The following ADIPOR2 variants were observed in gnomAD, a reference collection of about 807,000 sequenced individuals.
The protein encoded by ADIPOR2 is adiponectin receptor 2.
A neutral mutation model predicts 40.9 loss-of-function variants in ADIPOR2; 18 were observed. The observed-to-expected ratio is 0.44, with a 90% CI of 0.30 to 0.65. The LOEUF is 0.65. Among genes scored for constraint, ADIPOR2 ranks in the 30% least tolerant of loss-of-function variants. The probability of loss-of-function intolerance (pLI) is 0.09; values close to 1 mark genes in which losing one functional copy is unlikely to be tolerated. For missense variants in ADIPOR2, 283 were observed against 479.2 expected, an observed-to-expected ratio of 0.59 and a Z score of 3.82; for synonymous variants, 165 against 166.4, an observed-to-expected ratio of 0.99 and a Z score of 0.06.
intron 1 of ADIPOR2, among the ~76,000 whole-genome samples, chr12:1,706,549 T>C (rs963507506): frequency 2.9e-4 from 44 of 152,198 alleles, no homozygotes; most frequent in African/African-American, 1.0e-3. Context: ...TTTTGTGTAA[T>C]CTAGGCTTAT....
chr12:1,766,881 TATATA>T (rs1251910225), intron 2 of ADIPOR2, among the ~76,000 whole-genome samples: 2 of 152,238 alleles, frequency 1.3e-5, no homozygotes, highest in Non-Finnish European at 2.9e-5. Flanking sequence ...AGAATGCCAC[TATATA>T]ATAGTTTATT....
chr12:1,769,387 A>C (rs1862450385), intron 2 of ADIPOR2, among the ~76,000 whole-genome samples: 1 of 152,228 alleles, frequency 6.6e-6, no homozygotes. Flanking sequence ...CCGCATTAGC[A>C]ACTCCGTTAA....
chr12:1,778,620 T>C (rs1049048664), intron 4 of ADIPOR2: 3 of 152,136 alleles, frequency 2.0e-5, no homozygotes, highest in African/African-American at 4.8e-5. Context: ...AGAAAACATA[T>C]ATAAATCCTT....
At chr12:1,746,187 A>G (rs1197501660) in intron 1 of ADIPOR2, among the ~76,000 whole-genome samples, 1 of 152,248 alleles carries the variant, frequency 6.6e-6, no homozygotes, top group Admixed American at 6.5e-5. Context: ...ACAGTTTGCT[A>G]ATATCAGACA....
At chr12:1,771,092 G>C (rs899105363) in intron 2 of ADIPOR2, among the ~76,000 whole-genome samples, 2 of 152,188 alleles carry the variant, frequency 1.3e-5, no homozygotes, top group African/African-American at 4.8e-5. Flanking sequence ...GGAAGCTGAG[G>C]CAGGAGGATT....
chr12:1,711,555 A>G (rs1948708376), intron 1 of ADIPOR2, among the ~76,000 whole-genome samples: 2 of 151,900 alleles, frequency 1.3e-5, no homozygotes, highest in Non-Finnish European at 1.5e-5. Flanking sequence ...CTTTTAAAGG[A>G]ATAGGGTACA....
intron 1 of ADIPOR2, among the ~76,000 whole-genome samples, chr12:1,735,339 TTTA>T (rs1396444946): frequency 5.9e-5 from 9 of 152,196 alleles, no homozygotes; most frequent in African/African-American, 2.2e-4. Flanking sequence ...TCCTAGGTAT[TTTA>T]TTCTCTTTGA....
At chr12:1,692,085 A>AGTT (rs2094628281) in intron 1 of ADIPOR2, among the ~76,000 whole-genome samples, 1 of 26,090 alleles carries the variant, frequency 3.8e-5, no homozygotes, top group Non-Finnish European at 9.1e-5. Flanking sequence ...CCAAAAGCAG[A>AGTT]CTTTTTTTTT....
chr12:1,757,717 C>T (rs1185902814), intron 2 of ADIPOR2: 20 of 1,310,242 alleles, frequency 1.5e-5, no homozygotes, highest in South Asian at 3.5e-5. Flanking sequence ...ATAGATGAGA[C>T]GGAAATTCTC....
At chr12:1,716,951 C>G (rs1161717841) in intron 1 of ADIPOR2, among the ~76,000 whole-genome samples, 1 of 152,016 alleles carries the variant, frequency 6.6e-6, no homozygotes, top group African/African-American at 2.4e-5. Flanking sequence ...TTAATTGATC[C>G]CTGACCAAAT....
At chr12:1,781,464 GT>G (rs1862718873) in intron 6 of ADIPOR2, among the ~76,000 whole-genome samples, 2 of 152,002 alleles carry the variant, frequency 1.3e-5, no homozygotes, top group African/African-American at 4.8e-5. Flanking sequence ...GTCATTTTCT[GT>G]TTTGTTTTAT....
rs1862832337 is a variant in ADIPOR2 at position 1,786,223 on chromosome 12, A to G, written c.*151A>G. 1 of 967,998 alleles carries G rather than the reference A, an allele frequency of 1.0e-6. No individual in the cohort carries two copies. The highest frequency in any genetic ancestry group is 1.5e-6 in the Non-Finnish European group (1 of 672,336). The allele number at this position is 967,998 out of a possible 1,614,324, so 60.0% of individuals were successfully genotyped here. A position where few individuals can be genotyped will look rare whatever the true frequency, so the allele number is the denominator to read the frequency against. On this transcript the variant is annotated 3_prime_UTR_variant, in exon 8 of 8. Coordinates refer to ENST00000357103, the MANE Select transcript of ADIPOR2 (RefSeq NM_024551.3). ...ACGGCCCAGTGGCTCTGCGTGGTACATGACTGAGAAGAGAAAAACAAAAAT... is the reference window on the plus strand; with the variant it reads ...ACGGCCCAGTGGCTCTGCGTGGTACGTGACTGAGAAGAGAAAAACAAAAAT...
intron 2 of ADIPOR2, among the ~76,000 whole-genome samples, chr12:1,771,635 A>G (rs1001096494): frequency 6.6e-6 from 1 of 152,232 alleles, no homozygotes; most frequent in Admixed American, 6.5e-5. Flanking sequence ...GCCGCATCAT[A>G]GCCTCTAGTT....
intron 1 of ADIPOR2, among the ~76,000 whole-genome samples, chr12:1,738,855 A>T (rs1465231752): frequency 6.6e-6 from 1 of 152,224 alleles, no homozygotes; most frequent in Non-Finnish European, 1.5e-5. Flanking sequence ...TGAAGAACAA[A>T]GGAATATTTT....
intron 7 of ADIPOR2, among the ~76,000 whole-genome samples, chr12:1,785,463 T>A (rs1592636692): frequency 6.6e-6 from 1 of 152,216 alleles, no homozygotes. Flanking sequence ...CTTTAGTTTT[T>A]CTAACAGAGA....
intron 2 of ADIPOR2, among the ~76,000 whole-genome samples, chr12:1,756,525 G>T (rs928149108): frequency 6.6e-6 from 1 of 151,336 alleles, no homozygotes; most frequent in Non-Finnish European, 1.5e-5. Flanking sequence ...AGAGGGAAGA[G>T]TGAAATGAGA....
intron 1 of ADIPOR2, among the ~76,000 whole-genome samples, chr12:1,740,012 G>T (rs1428970299): frequency 6.6e-6 from 1 of 152,090 alleles, no homozygotes; most frequent in Non-Finnish European, 1.5e-5. Flanking sequence ...TGAGGCAGGA[G>T]AATTGCTTGA....
intron 1 of ADIPOR2, among the ~76,000 whole-genome samples, chr12:1,699,430 C>T (rs1359753296): frequency 6.6e-6 from 1 of 152,118 alleles, no homozygotes; most frequent in Non-Finnish European, 1.5e-5. Context: ...CCAGCCTGGC[C>T]AACATGGCGA....
Position 1,709,637 on chromosome 12 carries a change from A to T in ADIPOR2, c.-87+18446A>T, listed in dbSNP as rs192025196. ...TTTGGATTTTATGGTAAAATATACGATATTGGATATAAGTGGAGACATGTA... is the reference window on the plus strand; with the variant it reads ...TTTGGATTTTATGGTAAAATATACGTTATTGGATATAAGTGGAGACATGTA... On this transcript the variant is annotated intron_variant, in intron 1 of 7. Transcript: ENST00000357103. 2.4e-3 allele frequency among the ~76,000 whole-genome samples: 370 copies of T among 152,332 alleles called. 1 individual carries two copies. The highest frequency in any genetic ancestry group is 8.6e-3 in the African/African-American group (358 of 41,572).
Sources: allele counts gnomAD v4.1 joint callset (sites outside exome capture counted in the v4.1 genomes callset), GRCh38; gene constraint gnomAD v4.1.1; transcripts MANE v1.5; gene names NCBI Gene and HGNC (gene_info 2026-07-23, HGNC 2026-07-21).